Variants in TBX3 observed in about 807,000 individuals in gnomAD.
TBX3 encodes T-box transcription factor 3, also known as T-box transcription factor TBX3.
Under a neutral mutation model 47.8 loss-of-function variants are expected in TBX3, and 11 were observed. That is an observed-to-expected ratio of 0.23 (90% CI 0.14 to 0.38). The LOEUF (loss-of-function observed/expected upper bound fraction) is 0.38. Ranked by LOEUF, TBX3 falls within the 10% of genes least tolerant of loss-of-function variation. TBX3 has a pLI of 1.00. For synonymous variants in TBX3, 500 were observed against 449.3 expected (o/e 1.11, Z -1.43); for missense variants, 927 against 1,022.8 (o/e 0.91, Z 1.28).
intron 2 of TBX3, 146 bp downstream of exon 2, chr12:114,680,733 G>T: frequency 8.2e-7 from 1 of 1,219,116 alleles, no homozygotes; most frequent in Non-Finnish European, 1.2e-6. Flanking sequence ...GAAACACCCC[G>T]AATCCTTTTT....
rs1259313182 is a variant in TBX3, at chr12:114,674,409, C to T, written c.1466G>A (p.Gly489Asp). The T allele has an allele frequency of 2.6e-6, 4 of 1,550,650 alleles. No individual in the cohort carries two copies. The highest frequency in any genetic ancestry group is 3.5e-6 in the Non-Finnish European group (4 of 1,147,368). ...PGLGFAPGLA[G>D]QQFFNGHPLF... ...CGGGTGCCCGTTGAAGAACTGTTGG[C>T]CCGCCAGGCCCGGGGCGAAGCCGAG... Residue 489 changes from glycine to aspartate, a missense_variant, in exon 6 of 7, where the codon GGC becomes GAC. Transcript: ENST00000349155.
rs1869017022 is a variant in TBX3, at chr12:114,683,102, C to A, written c.99G>T (p.Val33=). Residue 33 remains valine, a synonymous_variant, in exon 1 of 7, where the codon GTG becomes GTT. Transcript: ENST00000349155. The surrounding 1 kb of genome is among the most constrained non-coding windows in gnomAD (Gnocchi z 7.7). ...GGAAGAACGGCGGCTGGTGACCCAG[C>A]ACCGCGCTCATGGCGAAGTCCGGCG... ...HRAPDFAMSA[V]LGHQPPFFPA... 1 of 1,612,376 alleles carries A rather than the reference C, an allele frequency of 6.2e-7. No individual in the cohort carries two copies. Among genetic ancestry groups the A allele is most frequent in the Non-Finnish European group, 8.5e-7 (1 of 1,179,466 alleles).
At chr12:114,676,844 G>C (rs1013674852) in intron 4 of TBX3, among the ~76,000 whole-genome samples, 1 of 152,204 alleles carries the variant, frequency 6.6e-6, no homozygotes, top group African/African-American at 2.4e-5. Context: ...AGGGAGAACC[G>C]GGTGTCCAAT....
In TBX3 at chr12:114,683,267, TTTG is replaced by T. The variant is rs1312482016; in HGVS notation, c.-70_-68del. On this transcript the variant is annotated 5_prime_UTR_variant, in exon 1 of 7. Coordinates refer to ENST00000349155, the MANE Select transcript of TBX3 (RefSeq NM_005996.4). This position sits in a 1 kb window ranked among gnomAD's most constrained non-coding sequence, Gnocchi z 7.7. Reference sequence around the variant, plus strand: ...CGCAGCTGCTGTGTTTTGTTGTTTTTTTGTTGTTGTTTAACAGCAGCACATAAT... The same window carrying T: ...CGCAGCTGCTGTGTTTTGTTGTTTTTTTGTTGTTTAACAGCAGCACATAAT... The T allele has an allele frequency of 6.3e-6, 10 of 1,584,404 alleles. No individual in the cohort carries two copies. In the East Asian group the frequency reaches 1.8e-4, roughly 29 times the overall value.
intron 6 of TBX3, 81 bp downstream of exon 6, chr12:114,674,084 G>A (rs973625347): frequency 2.2e-5 from 33 of 1,521,266 alleles, no homozygotes; most frequent in Middle Eastern, 2.3e-4. Context: ...CAAAGGGATC[G>A]GGTGAGGGTC....
rs1398110802 is a variant in TBX3 at position 114,670,985 on chromosome 12, T to C, written c.*856A>G. 4.8e-6 allele frequency: 1 copy of C among 207,736 alleles called. No homozygotes were observed. Among genetic ancestry groups the C allele is most frequent in the African/African-American group, 2.3e-5 (1 of 44,044 alleles). The allele number at this position is 207,736 out of a possible 1,614,324, so 12.9% of individuals were successfully genotyped here. On this transcript the variant is annotated 3_prime_UTR_variant, in exon 7 of 7. Transcript: ENST00000349155. ...ATTTTTTTAAAACCTTGTTATTGCATATACAGGAAAGAGAAAGAACTGTCA... is the reference window on the plus strand; with the variant it reads ...ATTTTTTTAAAACCTTGTTATTGCACATACAGGAAAGAGAAAGAACTGTCA...
In TBX3 at chr12:114,679,497, G is replaced by A. The variant is rs949832697; in HGVS notation, c.804+8C>T. The A allele has an allele frequency of 6.2e-7, 1 of 1,614,162 alleles. No individual in the cohort carries two copies. The highest frequency in any genetic ancestry group is 8.5e-7 in the Non-Finnish European group (1 of 1,180,030). On this transcript the variant is annotated splice_region_variant and intron_variant, in intron 3 of 6. Transcript: ENST00000349155. The stretch of plus-strand genomic sequence containing the variant: ...TCACCATTAAAAAGGAAAGCCCCTT[G>A]AGTTTACCTTATCATTCTGGTATGC...
At chr12:114,673,560 G>A (rs1592847310) in intron 6 of TBX3, among the ~76,000 whole-genome samples, 1 of 152,148 alleles carries the variant, frequency 6.6e-6, no homozygotes, top group East Asian at 1.9e-4. Flanking sequence ...AGGAAAGGCT[G>A]GAGGAATCAA....
rs781359855 is a variant in TBX3 at position 114,671,853 on chromosome 12, G to A, written c.2160C>T (p.Ser720=). ...GLEAKPDRSR[S]ASP ...GTCTGGGACGGGTCTACGGGGACGC[G>A]CTGCGGGACCTGTCCGGCTTGGCTT... The change falls in exon 7 of 7, where the codon AGC becomes AGT. Residue 720 remains serine, a synonymous_variant. Coordinates refer to ENST00000349155, the MANE Select transcript of TBX3 (RefSeq NM_005996.4). 9.6e-6 allele frequency: 15 copies of A among 1,556,928 alleles called. No homozygotes were observed. Among genetic ancestry groups the A allele is most frequent in the African/African-American group, 2.7e-5 (2 of 73,462 alleles).
Position 114,671,109 on chromosome 12 carries a change from ACT to A in TBX3, c.*730_*731del, listed in dbSNP as rs1457052795. On this transcript the variant is annotated 3_prime_UTR_variant, in exon 7 of 7. Coordinates refer to ENST00000349155, the MANE Select transcript of TBX3 (RefSeq NM_005996.4). ...TTTAAATCCCCCCCTCCCTTGGGTC[ACT>A]GATTTGAGGGCAAAGGATTGGGAAA... 3 of 210,080 alleles carry A rather than the reference ACT, an allele frequency of 1.4e-5. No individual in the cohort carries two copies. Among genetic ancestry groups the A allele is most frequent in the Non-Finnish European group, 2.9e-5 (3 of 103,550 alleles). 13.0% of individuals were successfully genotyped at this position (210,080 alleles called of 1,614,324 possible).
chr12:114,673,462 T>C (rs997668619), intron 6 of TBX3, among the ~76,000 whole-genome samples: 2 of 152,214 alleles, frequency 1.3e-5, no homozygotes, highest in Non-Finnish European at 2.9e-5. Context: ...TCCTCTGACA[T>C]TTCCCACGTG....
intron 2 of TBX3, 129 bp from the exon 3 acceptor site, chr12:114,679,780 T>C: frequency 6.5e-7 from 1 of 1,528,154 alleles, no homozygotes; most frequent in Non-Finnish European, 9.0e-7. Flanking sequence ...GCCCACCTCC[T>C]TGGAGTACCC....
chr12:114,675,109 C>T (rs1162750317), intron 5 of TBX3, among the ~76,000 whole-genome samples: 1 of 152,212 alleles, frequency 6.6e-6, no homozygotes, highest in Non-Finnish European at 1.5e-5. Context: ...ATCCCCTAAT[C>T]AGTAGCTCTT....
Position 114,672,028 on chromosome 12 carries a change from G to A in TBX3, c.1985C>T (p.Ala662Val), listed in dbSNP as rs753103762. 1.3e-6 allele frequency: 2 copies of A among 1,588,674 alleles called. No individual in the cohort carries two copies. Among genetic ancestry groups the A allele is most frequent in the Non-Finnish European group, 1.7e-6 (2 of 1,167,848 alleles). The change falls in exon 7 of 7, where the codon GCC (alanine) becomes GTC (valine). Residue 662 changes from alanine (A) to valine (V), a missense_variant. Physicochemically the swap from Ala to Val is moderately conservative, Grantham distance 64. Coordinates refer to ENST00000349155, the MANE Select transcript of TBX3 (RefSeq NM_005996.4). ...GKVAALAASP[A>V]SVAVDSGSEL... ...AGAGCCCGAGTCCACTGCCACCGAG[G>A]CCGGGCTGGCGGCCAGGGCGGCGAC...
In TBX3 at chr12:114,679,811, C is replaced by T. The variant is rs1170956049; in HGVS notation, c.658-160G>A. 11 of 1,539,114 alleles carry T rather than the reference C, an allele frequency of 7.1e-6. No homozygotes were observed. In the East Asian group the frequency reaches 2.5e-4, roughly 35 times the overall value. On this transcript the variant is annotated intron_variant, in intron 2 of 6. Coordinates refer to ENST00000349155, the MANE Select transcript of TBX3 (RefSeq NM_005996.4). ...TACCCCCTGGGTACGTTTCGCTCCACAGATGTTATCTTCTGGAGAATCCAA... is the reference window on the plus strand; with the variant it reads ...TACCCCCTGGGTACGTTTCGCTCCATAGATGTTATCTTCTGGAGAATCCAA...
Position 114,671,154 on chromosome 12 carries a change from T to G in TBX3, c.*687A>C, listed in dbSNP as rs1330429411. 1 of 214,664 alleles carries G rather than the reference T, an allele frequency of 4.7e-6. No homozygotes were observed. The highest frequency in any genetic ancestry group is 2.3e-5 in the African/African-American group (1 of 44,324). The allele number at this position is 214,664 out of a possible 1,614,324, so 13.3% of individuals were successfully genotyped here. A position where few individuals can be genotyped will look rare whatever the true frequency, so the allele number is the denominator to read the frequency against. ...TTGGGAAAAGGGTAGGGGGCTATAT[T>G]GTTTTCTCTCTAAAAGCAAGCGTTC... On this transcript the variant is annotated 3_prime_UTR_variant, in exon 7 of 7. Transcript: ENST00000349155.
At chr12:114,678,855 C>A (rs754036043) in intron 3 of TBX3, among the ~76,000 whole-genome samples, 46 of 152,010 alleles carry the variant, frequency 3.0e-4, no homozygotes, top group Non-Finnish European at 6.6e-4. Flanking sequence ...CAGATTCAGG[C>A]CTGGGGGAGG....
chr12:114,676,889 C>T (rs1868733747), intron 4 of TBX3, among the ~76,000 whole-genome samples: 1 of 152,162 alleles, frequency 6.6e-6, no homozygotes, highest in South Asian at 2.1e-4. Flanking sequence ...CCCAGCATAC[C>T]CAAATTTTGG....
chr12:114,674,546 C>A lies in TBX3; in HGVS notation c.1329G>T (p.Ala443=). The A allele has an allele frequency of 6.5e-7, 1 of 1,548,704 alleles. No individual in the cohort carries two copies. The highest frequency in any genetic ancestry group is 8.7e-7 in the Non-Finnish European group (1 of 1,151,248). Residue 443 remains alanine (A), a synonymous_variant, in exon 6 of 7, where the codon GCG becomes GCT. Transcript: ENST00000349155. ...ERRSPVREGT[A]PAKVEEARAL... is the part of the protein sequence containing the mutation. ...CGCGCGCCTCTTCCACCTTGGCCGGCGCTGTGCCCTCGCGAACCGGGCTCC... is the reference window on the plus strand; with the variant it reads ...CGCGCGCCTCTTCCACCTTGGCCGGAGCTGTGCCCTCGCGAACCGGGCTCC...
Sources: allele counts gnomAD v4.1 joint callset (sites outside exome capture counted in the v4.1 genomes callset), GRCh38; gene constraint gnomAD v4.1.1; non-coding constraint Gnocchi (gnomAD v3.1); transcripts MANE v1.5; gene names NCBI Gene and HGNC (gene_info 2026-07-23, HGNC 2026-07-21).